The following COL19A1 variants were observed in gnomAD, a reference collection of about 807,000 sequenced individuals.
COL19A1 encodes collagen alpha-1(XIX) chain.
Under a neutral mutation model 190.2 loss-of-function variants are expected in COL19A1, and 159 were observed. The ratio of observed to expected loss-of-function variants is 0.84; its 90% CI spans 0.73 to 0.95. COL19A1 has a LOEUF of 0.95. Among genes scored for constraint, COL19A1 ranks in the 40% least tolerant of loss-of-function variants. The pLI is 0.00. For synonymous variants in COL19A1, 509 were observed against 458.9 expected, an observed-to-expected ratio of 1.11 and a Z score of -1.39; for missense variants, 1,418 against 1,431.9, an observed-to-expected ratio of 0.99 and a Z score of 0.16.
At chr6:70,079,125 A>G (rs1291803659) in intron 15 of COL19A1, among the ~76,000 whole-genome samples, 2 of 152,214 alleles carry the variant, frequency 1.3e-5, no homozygotes, top group Non-Finnish European at 2.9e-5. Flanking sequence ...ATGATTATAA[A>G]AACCAGTGAA....
intron 4 of COL19A1, 64 bp from the exon 5 acceptor site, chr6:69,927,845 C>A: frequency 1.3e-6 from 2 of 1,549,566 alleles, no homozygotes; most frequent in Admixed American, 3.8e-5. Context: ...GAACTTTATA[C>A]CTAGATTTTA....
chr6:69,923,568 G>T (rs1221261705), intron 4 of COL19A1, among the ~76,000 whole-genome samples: 1 of 152,152 alleles, frequency 6.6e-6, no homozygotes, highest in Non-Finnish European at 1.5e-5. Flanking sequence ...GCAGCTGCCT[G>T]AGGCAGGAGT....
rs751492058 is a variant in COL19A1 at position 70,207,249 on chromosome 6, C to A, written c.3404C>A (p.Ala1135Asp). ...PEDCLYPVSH[A>D]HQRTGGN ...GATTGCCTCTATCCTGTGTCTCATG[C>A]CCATCAGCGCACAGGTGGGAATTGA... The change falls in exon 51 of 51, where the codon GCC (alanine) becomes GAC (aspartate). Residue 1135 changes from alanine (A) to aspartate (D), a missense_variant. Transcript: ENST00000620364. 1.2e-6 allele frequency: 2 copies of A among 1,613,870 alleles called. No individual in the cohort carries two copies. The highest frequency in any genetic ancestry group is 2.2e-5 in the South Asian group (2 of 91,072).
intron 4 of COL19A1, among the ~76,000 whole-genome samples, chr6:69,901,280 A>T (rs1770173063): frequency 6.6e-6 from 1 of 152,240 alleles, no homozygotes; most frequent in Admixed American, 6.5e-5. Context: ...TCTTAAAGGG[A>T]AATAGCATTA....
At chr6:70,203,533 A>G (rs1045015626) in intron 49 of COL19A1, among the ~76,000 whole-genome samples, 2 of 152,134 alleles carry the variant, frequency 1.3e-5, no homozygotes, top group Non-Finnish European at 2.9e-5. Flanking sequence ...GAGGCTAAAC[A>G]ACTTGTAAGG....
chr6:70,170,795 A>C (rs2150272449), intron 40 of COL19A1, among the ~76,000 whole-genome samples: 1 of 152,284 alleles, frequency 6.6e-6, no homozygotes, highest in Non-Finnish European at 1.5e-5. Flanking sequence ...TCACTCACTA[A>C]GTATTCTGTA....
At chr6:70,198,555 T>C (rs576925450) in intron 48 of COL19A1, among the ~76,000 whole-genome samples, 1 of 152,324 alleles carries the variant, frequency 6.6e-6, no homozygotes, top group East Asian at 1.9e-4. Flanking sequence ...TGAGGTATAC[T>C]AAATATAAAC....
chr6:70,087,274 A>C (rs1216896179), intron 15 of COL19A1, among the ~76,000 whole-genome samples: 1 of 152,170 alleles, frequency 6.6e-6, no homozygotes, highest in East Asian at 1.9e-4. Flanking sequence ...TGATACATGC[A>C]ACCAAGATTA....
At chr6:69,977,128 G>T (rs936299046) in intron 11 of COL19A1, among the ~76,000 whole-genome samples, 6 of 152,082 alleles carry the variant, frequency 3.9e-5, no homozygotes, top group African/African-American at 1.4e-4. Context: ...GTTTATTGCG[G>T]CACTATTCAC....
intron 2 of COL19A1, among the ~76,000 whole-genome samples, chr6:69,894,535 G>C (rs1413643538): frequency 6.6e-6 from 1 of 152,090 alleles, no homozygotes; most frequent in African/African-American, 2.4e-5. Flanking sequence ...AAAAATATTT[G>C]ATCTAAGCAC....
chr6:69,949,458 T>C (rs1165467729), intron 9 of COL19A1, among the ~76,000 whole-genome samples: 1 of 151,904 alleles, frequency 6.6e-6, no homozygotes, highest in African/African-American at 2.4e-5. Context: ...CTAAAGAATG[T>C]ATACAAAATG....
chr6:69,874,487 C>G (rs1388967895), intron 1 of COL19A1, among the ~76,000 whole-genome samples: 1 of 152,190 alleles, frequency 6.6e-6, no homozygotes, highest in Non-Finnish European at 1.5e-5. Context: ...TGTGGTGGCT[C>G]ACACCTGTAA....
chr6:69,882,819 C>A (rs1768655931), intron 2 of COL19A1, among the ~76,000 whole-genome samples: 1 of 152,120 alleles, frequency 6.6e-6, no homozygotes, highest in East Asian at 1.9e-4. Context: ...CAAAATGTGG[C>A]TTTTACTAGT....
chr6:70,042,998 AC>A (rs531515526), intron 14 of COL19A1, among the ~76,000 whole-genome samples: 1,898 of 151,888 alleles, frequency 0.012, 19 homozygotes, highest in South Asian at 0.043. Context: ...TACATCTTAA[AC>A]CCCTCAGAGT....
intron 14 of COL19A1, among the ~76,000 whole-genome samples, chr6:70,043,495 A>G (rs1359160694): frequency 1.3e-5 from 2 of 152,106 alleles, no homozygotes; most frequent in African/African-American, 4.8e-5. Flanking sequence ...CCCGGCCACA[A>G]AATGTATTTC....
chr6:69,918,915 CA>C (rs1428176206), intron 4 of COL19A1, among the ~76,000 whole-genome samples: 1 of 152,124 alleles, frequency 6.6e-6, no homozygotes, highest in Admixed American at 6.6e-5. Flanking sequence ...CGTTCAATTT[CA>C]GTTATTTAAT....
chr6:69,999,567 C>G (rs1000491358), intron 11 of COL19A1, among the ~76,000 whole-genome samples: 4 of 151,994 alleles, frequency 2.6e-5, no homozygotes, highest in Admixed American at 1.3e-4. Flanking sequence ...ATTTAAAAAC[C>G]TTTTTAGAAA....
intron 16 of COL19A1, among the ~76,000 whole-genome samples, chr6:70,103,194 T>C (rs1783740588): frequency 6.6e-6 from 1 of 152,226 alleles, no homozygotes; most frequent in Non-Finnish European, 1.5e-5. Flanking sequence ...CCTAGATTTT[T>C]TTGTTCTTCA....
At chr6:70,156,448 C>A in intron 33 of COL19A1, 79 bp downstream of exon 33, 1 of 1,321,120 alleles carries the variant, frequency 7.6e-7, no homozygotes, top group Non-Finnish European at 1.1e-6. Context: ...TGAAAATAGA[C>A]AACTTTTAAA....
Sources: gnomAD v4.1 joint callset for allele counts (sites outside exome capture counted in the v4.1 genomes callset) on GRCh38, gnomAD v4.1.1 for gene constraint, MANE v1.5 for transcripts, NCBI Gene and HGNC (gene_info 2026-07-23, HGNC 2026-07-21) for gene names.